Variants in MMP14 observed in about 807,000 individuals in gnomAD.
The protein encoded by MMP14 is matrix metalloproteinase-14.
Under a neutral mutation model 64.8 loss-of-function variants are expected in MMP14, and 13 were observed. The observed-to-expected ratio is 0.20, with a 90% confidence interval of 0.13 to 0.32. The LOEUF is 0.32. Ranked by LOEUF, MMP14 falls within the 10% of genes least tolerant of loss-of-function variation. The pLI, the probability that MMP14 is intolerant of heterozygous loss-of-function variation, is 1.00. For missense variants in MMP14, 594 were observed against 783.8 expected (o/e 0.76, Z 2.89); for synonymous variants, 322 against 315.9 (o/e 1.02, Z -0.20).
rs1341075705 is a variant in MMP14, at chr14:22,840,930, C to T, written c.109-561C>T. 2.0e-5 allele frequency among the ~76,000 whole-genome samples: 3 copies of T among 152,192 alleles called. No homozygotes were observed. The East Asian group carries it at 5.8e-4, about 29-fold the overall frequency. On this transcript the variant is annotated intron_variant, in intron 1 of 9. Transcript: ENST00000311852. Reference sequence around the variant, plus strand: ...CACACCTCTTACCACATTCCAAGTTCCTAGTTTCCCCTCGTAGCAGCCAGC... The same window carrying T: ...CACACCTCTTACCACATTCCAAGTTTCTAGTTTCCCCTCGTAGCAGCCAGC...
chr14:22,842,353 T>G lies in MMP14; in HGVS notation c.381-57T>G. The G allele has an allele frequency of 2.6e-6, 4 of 1,553,812 alleles. No homozygotes were observed. Among genetic ancestry groups the G allele is most frequent in the Non-Finnish European group, 3.5e-6 (4 of 1,143,068 alleles). On this transcript the variant is annotated intron_variant, in intron 3 of 9. Transcript: ENST00000311852. This position sits in a 1 kb window ranked among gnomAD's most constrained non-coding sequence, Gnocchi z 5.3. ...CCTGGGAGAGTGCAGGGAAGGAGAATGTTGCCCCTCTTTATCCTAACACAC... is the reference window on the plus strand; with the variant it reads ...CCTGGGAGAGTGCAGGGAAGGAGAAGGTTGCCCCTCTTTATCCTAACACAC...
rs2039783111 is a variant in MMP14 at position 22,842,825 on chromosome 14, A to G, written c.688+108A>G. The G allele has an allele frequency of 3.4e-6, 4 of 1,173,074 alleles. No individual in the cohort carries two copies. Among genetic ancestry groups the G allele is most frequent in the African/African-American group, 1.5e-5 (1 of 65,186 alleles). The allele number at this position is 1,173,074 out of a possible 1,614,324, so 72.7% of individuals were successfully genotyped here. A position where few individuals can be genotyped will look rare whatever the true frequency, so the allele number is the denominator to read the frequency against. ...CTCCGGGCTAGAAGGGACCACAGAG[A>G]CCTTCTGATCTAACTTCTGACAAAA... On this transcript the variant is annotated intron_variant, in intron 4 of 9. Transcript: ENST00000311852. The surrounding 1 kb of genome is among the most constrained non-coding windows in gnomAD (Gnocchi z 5.3).
intron 1 of MMP14, chr14:22,837,550 G>C (rs2039743572): frequency 5.6e-6 from 2 of 359,220 alleles, no homozygotes; most frequent in Admixed American, 7.4e-5. Context: ...CAGCGCCGGC[G>C]CGCTGGCCGC....
Position 22,844,624 on chromosome 14 carries a change from C to T in MMP14, c.1151-6C>T. 2 of 1,614,080 alleles carry T rather than the reference C, an allele frequency of 1.2e-6. No homozygotes were observed. The highest frequency in any genetic ancestry group is 8.5e-7 in the Non-Finnish European group (1 of 1,179,992). On this transcript the variant is annotated splice_region_variant and splice_polypyrimidine_tract_variant and intron_variant, in intron 7 of 9. Transcript: ENST00000311852. ...AACCCAGACGTTGCCCTCCTGTCCT[C>T]CCCAGGAGACAAGCATTGGGTGTTT... is the stretch of plus-strand genomic sequence containing the variant.
rs555986084 is a variant in MMP14 at position 22,840,334 on chromosome 14, C to T, written c.109-1157C>T. Among the ~76,000 whole-genome samples, 3 of 152,200 alleles carry T rather than the reference C, an allele frequency of 2.0e-5. No individual in the cohort carries two copies. In the South Asian group the frequency reaches 6.2e-4, roughly 31 times the overall value. ...TCTTACAATAAAGGCTGACTTTCTC[C>T]TCAACAGGGCTTTGCAGTGTGTGTA... is the stretch of plus-strand genomic sequence containing the variant. On this transcript the variant is annotated intron_variant, in intron 1 of 9. Transcript: ENST00000311852.
chr14:22,845,661 T>C (rs536769749), intron 9 of MMP14, 47 bp from the exon 10 acceptor site: 1 of 1,589,996 alleles, frequency 6.3e-7, no homozygotes, highest in South Asian at 1.1e-5. Flanking sequence ...TCCTCTCCTC[T>C]CTTTGGGTCT....
chr14:22,844,298 G>T, intron 6 of MMP14, 73 bp from the exon 7 acceptor site: 1 of 1,587,022 alleles, frequency 6.3e-7, no homozygotes, highest in Non-Finnish European at 8.6e-7. Context: ...AGCAGTGCGG[G>T]AGCTTTGGGG....
chr14:22,839,814 A>G (rs965711884), intron 1 of MMP14, among the ~76,000 whole-genome samples: 1 of 152,046 alleles, frequency 6.6e-6, no homozygotes, highest in Non-Finnish European at 1.5e-5. Flanking sequence ...CTCCCCTCCA[A>G]GATCCCATCC....
chr14:22,845,185 C>T lies in MMP14; in HGVS notation c.1302-66C>T, dbSNP rs947161731. 2.0e-5 allele frequency: 24 copies of T among 1,215,872 alleles called. No individual in the cohort carries two copies. The Middle Eastern group carries it at 9.7e-4, about 49-fold the overall frequency. 75.3% of individuals were successfully genotyped at this position (1,215,872 alleles called of 1,614,324 possible). On this transcript the variant is annotated intron_variant, in intron 8 of 9. Transcript: ENST00000311852. Reference sequence around the variant, plus strand: ...TCCTTTGCCCACTGGTGGATTCGGTCCGGGTCTTGCGCCTCCTGAGGACAT... The same window carrying T: ...TCCTTTGCCCACTGGTGGATTCGGTTCGGGTCTTGCGCCTCCTGAGGACAT...
chr14:22,844,255 A>G (rs2039795626), intron 6 of MMP14, 116 bp from the exon 7 acceptor site: 1 of 1,467,272 alleles, frequency 6.8e-7, no homozygotes, highest in Non-Finnish European at 9.3e-7. Context: ...AAGTGACAAC[A>G]GCTGGACTAA....
chr14:22,836,863 C>A lies in MMP14; in HGVS notation c.46C>A (p.Leu16Ile). 1 of 1,613,760 alleles carries A rather than the reference C, an allele frequency of 6.2e-7. No individual in the cohort carries two copies. The highest frequency in any genetic ancestry group is 8.5e-7 in the Non-Finnish European group (1 of 1,179,800). ...RPPRCLLLPL[L>I]TLGTALASLG... is the part of the protein sequence containing the mutation. ...CCCCCGTTGTCTCCTGCTCCCCCTG[C>A]TCACGCTCGGCACCGCGCTCGCCTC... The change falls in exon 1 of 10, where the codon CTC becomes ATC. Residue 16 changes from leucine (L) to isoleucine (I), a missense_variant. Around this residue, in one of 4 missense-constraint regions of MMP14, gnomAD observed 45 missense variants for 48.8 expected, o/e 0.92. Coordinates refer to ENST00000311852, the MANE Select transcript of MMP14 (RefSeq NM_004995.4).
rs765854715 is a variant in MMP14 at position 22,845,691 on chromosome 14, T to C, written c.1418-17T>C. The C allele has an allele frequency of 6.2e-7, 1 of 1,612,642 alleles. No homozygotes were observed. The highest frequency in any genetic ancestry group is 1.1e-5 in the South Asian group (1 of 90,952). On this transcript the variant is annotated splice_polypyrimidine_tract_variant and intron_variant, in intron 9 of 9. Transcript: ENST00000311852. Reference sequence around the variant, plus strand: ...GGGTCTTCCCTTCCTTACCACCTTCTGATTCACTCCCTGCAGTCTTCACTT... The same window carrying C: ...GGGTCTTCCCTTCCTTACCACCTTCCGATTCACTCCCTGCAGTCTTCACTT...
rs2039785472 is a variant in MMP14 at position 22,843,187 on chromosome 14, G to C, written c.689-70G>C. 3.3e-6 allele frequency: 5 copies of C among 1,537,996 alleles called. No homozygotes were observed. The highest frequency in any genetic ancestry group is 4.4e-6 in the Non-Finnish European group (5 of 1,133,706). ...CAGGCTTGGAGGTGAAACCAAAGCT[G>C]CTGGTGGGGAAGCAGGGAGGCTGAG... is the stretch of plus-strand genomic sequence containing the variant. On this transcript the variant is annotated intron_variant, in intron 4 of 9. Transcript: ENST00000311852. This position sits in a 1 kb window ranked among gnomAD's most constrained non-coding sequence, Gnocchi z 4.8.
In MMP14 at chr14:22,842,590, C is replaced by T. The variant is rs768586381; in HGVS notation, c.561C>T (p.Gly187=). 1.6e-5 allele frequency: 26 copies of T among 1,614,096 alleles called. No individual in the cohort carries two copies. The Admixed American group carries it at 2.2e-4, about 13-fold the overall frequency. The change falls in exon 4 of 10, where the codon GGC becomes GGT. Residue 187 remains glycine (G), a synonymous_variant. Coordinates refer to ENST00000311852, the MANE Select transcript of MMP14 (RefSeq NM_004995.4). The surrounding 1 kb of genome is among the most constrained non-coding windows in gnomAD (Gnocchi z 5.3). ...TCTTCTTTGCCGAGGGCTTCCATGGCGACAGCACGCCCTTCGATGGTGAGG... is the reference window on the plus strand; with the variant it reads ...TCTTCTTTGCCGAGGGCTTCCATGGTGACAGCACGCCCTTCGATGGTGAGG... ...IMIFFAEGFH[G]DSTPFDGEGG...
intron 9 of MMP14, 41 bp from the exon 10 acceptor site, chr14:22,845,667 G>T (rs2039807133): frequency 1.3e-6 from 2 of 1,596,348 alleles, no homozygotes; most frequent in African/African-American, 2.7e-5. Flanking sequence ...CCTCTCTTTG[G>T]GTCTTCCCTT....
chr14:22,846,207 C>G lies in MMP14; in HGVS notation c.*168C>G, dbSNP rs1001602009. 6 of 647,414 alleles carry G rather than the reference C, an allele frequency of 9.3e-6. No homozygotes were observed. The Admixed American group carries it at 1.6e-4, about 17-fold the overall frequency. 40.1% of individuals were successfully genotyped at this position (647,414 alleles called of 1,614,324 possible). On this transcript the variant is annotated 3_prime_UTR_variant, in exon 10 of 10. Coordinates refer to ENST00000311852, the MANE Select transcript of MMP14 (RefSeq NM_004995.4). ...CCTCCTTCACCCTGACCGCCTCCCTCCCTCCTGCCCCGGCATTGCATCTTC... is the reference window on the plus strand; with the variant it reads ...CCTCCTTCACCCTGACCGCCTCCCTGCCTCCTGCCCCGGCATTGCATCTTC...
chr14:22,842,164 G>T lies in MMP14; in HGVS notation c.380+129G>T. ...CCTGGGAAGCATCCGTGGGAGTGGG[G>T]AGGAAAATGGCTCTCATCCTTGAGA... On this transcript the variant is annotated intron_variant, in intron 3 of 9. Transcript: ENST00000311852. The surrounding 1 kb of genome is among the most constrained non-coding windows in gnomAD (Gnocchi z 5.3). The T allele has an allele frequency of 7.6e-7, 1 of 1,323,212 alleles. No homozygotes were observed. Among genetic ancestry groups the T allele is most frequent in the South Asian group, 1.4e-5 (1 of 73,520 alleles). The allele number at this position is 1,323,212 out of a possible 1,614,324, so 82.0% of individuals were successfully genotyped here.
In MMP14 at chr14:22,839,962, C is replaced by CTTTTT. The variant is rs577502772; in HGVS notation, c.109-1509_109-1505dup. 6.5e-3 allele frequency among the ~76,000 whole-genome samples: 590 copies of CTTTTT among 90,796 alleles called. 36 individuals carry two copies. Among genetic ancestry groups the CTTTTT allele is most frequent in the African/African-American group, 0.029 (566 of 19,516 alleles). 59.6% of individuals were successfully genotyped at this position (90,796 alleles called of 152,430 possible). ...TTCATATATAACTTGGCTTGTTTTA[C>CTTTTT]TTTTTTTTTTTTTTTTTTTTTTTTG... On this transcript the variant is annotated intron_variant, in intron 1 of 9. Transcript: ENST00000311852.
rs754278637 is a variant in MMP14 at position 22,845,889 on chromosome 14, C to T, written c.1599C>T (p.Gly533=). Residue 533 remains glycine, a synonymous_variant, in exon 10 of 10, where the codon GGC becomes GGT. Coordinates refer to ENST00000311852, the MANE Select transcript of MMP14 (RefSeq NM_004995.4). ...TCATCATTGAGGTGGACGAGGAGGG[C>T]GGCGGGGCGGTGAGCGCGGCTGCCG... ...EVIIIEVDEE[G]GGAVSAAAVV... is the part of the protein sequence containing the mutation. 6.2e-6 allele frequency: 10 copies of T among 1,613,256 alleles called. No individual in the cohort carries two copies. Among genetic ancestry groups the T allele is most frequent in the East Asian group, 4.5e-5 (2 of 44,864 alleles).
Sources: gnomAD v4.1 joint callset for allele counts (sites outside exome capture counted in the v4.1 genomes callset) on GRCh38, gnomAD v4.1.1 for gene constraint, gnomAD v4.1.1 regional missense constraint, Gnocchi (gnomAD v3.1) non-coding constraint, MANE v1.5 for transcripts, NCBI Gene and HGNC (gene_info 2026-07-23, HGNC 2026-07-21) for gene names.